Variants in CNTN4 observed in about 807,000 individuals in gnomAD.
CNTN4 encodes the protein contactin 4.
CNTN4 carries 77 observed loss-of-function variants against 122.5 expected under a neutral mutation model. The observed-to-expected ratio is 0.63, with a 90% CI of 0.52 to 0.76. The LOEUF (loss-of-function observed/expected upper bound fraction) is 0.76. Among genes scored for constraint, CNTN4 ranks in the 30% least tolerant of loss-of-function variants. CNTN4 has a pLI of 0.00. For missense variants in CNTN4, 1,256 were observed against 1,259.1 expected (o/e 1.00, Z 0.04); for synonymous variants, 512 against 447.0 (o/e 1.15, Z -1.83).
At chr3:2,503,017 T>C (rs1464958809) in intron 3 of CNTN4, among the ~76,000 whole-genome samples, 3 of 152,160 alleles carry the variant, frequency 2.0e-5, no homozygotes, top group Non-Finnish European at 4.4e-5. Context: ...AGATATATCA[T>C]TAAGCTAGGT....
chr3:2,907,899 A>G (rs1288398042), intron 12 of CNTN4, among the ~76,000 whole-genome samples: 4 of 152,210 alleles, frequency 2.6e-5, no homozygotes, highest in Non-Finnish European at 5.9e-5. Context: ...AGAGACTTTT[A>G]TCTTGAGGTC....
chr3:3,042,587 T>C lies in CNTN4; in HGVS notation c.2511+165T>C, dbSNP rs163561. On this transcript the variant is annotated intron_variant, in intron 21 of 24. Transcript: ENST00000418658. ...AATGGAAGCATTGAATACTCAGCTG[T>C]GAGACTACCCTTTTTCTATGTTATA... Among the ~76,000 whole-genome samples the C allele has an allele frequency of 0.21, 31,418 of 152,122 alleles. 4,313 individuals carry two copies. The highest frequency in any genetic ancestry group is 0.39 in the African/African-American group (16,246 of 41,454).
chr3:2,622,486 T>A (rs753669015), intron 4 of CNTN4, among the ~76,000 whole-genome samples: 19 of 152,104 alleles, frequency 1.2e-4, no homozygotes, highest in Admixed American at 3.9e-4. Context: ...AGAGATGGGT[T>A]GGACAGGCTG....
chr3:2,866,599 G>A (rs2093726336), intron 7 of CNTN4, 153 bp from the exon 8 acceptor site: 1 of 1,120,524 alleles, frequency 8.9e-7, no homozygotes, highest in Non-Finnish European at 1.3e-6. Flanking sequence ...ATGCCACGGG[G>A]GACTGTGATT....
At chr3:2,416,842 G>C (rs933999767) in intron 3 of CNTN4, among the ~76,000 whole-genome samples, 1 of 152,048 alleles carries the variant, frequency 6.6e-6, no homozygotes, top group South Asian at 2.1e-4. Flanking sequence ...TTTTAGTAGA[G>C]ACGGGGTTTC....
At chr3:2,272,114 T>C (rs2149823148) in intron 2 of CNTN4, among the ~76,000 whole-genome samples, 1 of 151,920 alleles carries the variant, frequency 6.6e-6, no homozygotes, top group South Asian at 2.1e-4. Flanking sequence ...TGATAAATTC[T>C]AATGAGTACT....
intron 14 of CNTN4, among the ~76,000 whole-genome samples, chr3:3,024,384 T>TAAAAAAAAAAAAAAAAAAAAAA (rs55892513): frequency 1.1e-5 from 1 of 90,262 alleles, no homozygotes; most frequent in Non-Finnish European, 2.2e-5. Flanking sequence ...TTTTCCTCAT[T>TAAAAAAAAAAAAAAAAAAAAAA]AAAAAAAAAA....
chr3:2,979,465 C>T (rs58076296), intron 13 of CNTN4, among the ~76,000 whole-genome samples: 7,414 of 152,236 alleles, frequency 0.049, 455 homozygotes, highest in African/African-American at 0.14. Context: ...GTTTGGGATT[C>T]TGTAATAAAT....
At chr3:2,122,682 A>T (rs559010799) in intron 2 of CNTN4, among the ~76,000 whole-genome samples, 4 of 152,378 alleles carry the variant, frequency 2.6e-5, no homozygotes, top group African/African-American at 9.6e-5. Flanking sequence ...AATTATTTCC[A>T]GATTGCCCTG....
intron 2 of CNTN4, among the ~76,000 whole-genome samples, chr3:2,243,517 A>G (rs1322471932): frequency 6.6e-6 from 1 of 151,150 alleles, no homozygotes; most frequent in Non-Finnish European, 1.5e-5. Flanking sequence ...TTGTTTTGTG[A>G]TTTTTTTTTA....
intron 4 of CNTN4, among the ~76,000 whole-genome samples, chr3:2,683,142 A>G (rs1399753806): frequency 6.6e-6 from 1 of 152,164 alleles, no homozygotes; most frequent in Non-Finnish European, 1.5e-5. Context: ...ACTCTTTACA[A>G]CAAGAAATGG....
At chr3:2,286,562 A>T (rs916195604) in intron 2 of CNTN4, among the ~76,000 whole-genome samples, 10 of 152,130 alleles carry the variant, frequency 6.6e-5, no homozygotes, top group Non-Finnish European at 1.5e-4. Flanking sequence ...GTGGTGTTTA[A>T]GTCAGTTAAA....
At chr3:3,028,348 A>G (rs553105596) in intron 15 of CNTN4, among the ~76,000 whole-genome samples, 14 of 152,248 alleles carry the variant, frequency 9.2e-5, no homozygotes, top group Middle Eastern at 3.4e-3. Flanking sequence ...GGTGACTTCA[A>G]AGGGAAAGAG....
At chr3:2,906,859 A>T (rs1205699427) in intron 12 of CNTN4, among the ~76,000 whole-genome samples, 1 of 146,008 alleles carries the variant, frequency 6.8e-6, no homozygotes, top group South Asian at 2.2e-4. Flanking sequence ...AAAAAAAAAA[A>T]GAAAAAGAGA....
intron 2 of CNTN4, among the ~76,000 whole-genome samples, chr3:2,123,674 G>A (rs190514806): frequency 2.0e-5 from 3 of 152,260 alleles, no homozygotes; most frequent in Admixed American, 6.5e-5. Context: ...GTAATTAGTC[G>A]CTGACATATG....
chr3:2,257,382 A>G (rs2040640561), intron 2 of CNTN4, among the ~76,000 whole-genome samples: 2 of 152,226 alleles, frequency 1.3e-5, no homozygotes, highest in Admixed American at 6.5e-5. Context: ...GGCATGGGCA[A>G]AGACTTCATG....
Position 2,887,201 on chromosome 3 carries a change from C to T in CNTN4, c.917C>T (p.Ala306Val), listed in dbSNP as rs368276683. The T allele has an allele frequency of 2.9e-5, 46 of 1,613,394 alleles. No homozygotes were observed. Among genetic ancestry groups the T allele is most frequent in the Non-Finnish European group, 5.9e-6 (7 of 1,179,924 alleles). ...GAAAATTCCAGAGGGAAAAATGTAGCAAGGGGACAGCTAACTTTCTATGGT... is the reference window on the plus strand; with the variant it reads ...GAAAATTCCAGAGGGAAAAATGTAGTAAGGGGACAGCTAACTTTCTATGGT... ...VAENSRGKNV[A>V]RGQLTFYAQP... Residue 306 changes from alanine (A) to valine (V), a missense_variant, in exon 10 of 25, where the codon GCA becomes GTA. Transcript: ENST00000418658.
Position 2,611,842 on chromosome 3 carries a change from C to T in CNTN4, c.55+40284C>T, listed in dbSNP as rs530806824. The stretch of plus-strand genomic sequence containing the variant: ...AGAGTGCCCTGTGGCATCTCTTATA[C>T]AGGTGGCTATACAGTTTTTAATCAC... On this transcript the variant is annotated intron_variant, in intron 4 of 24. Coordinates refer to ENST00000418658, the MANE Select transcript of CNTN4 (RefSeq NM_175607.3). Among the ~76,000 whole-genome samples, 10 of 152,258 alleles carry T rather than the reference C, an allele frequency of 6.6e-5. No homozygotes were observed. In the East Asian group the frequency reaches 1.9e-3, roughly 29 times the overall value.
At chr3:2,251,872 T>C (rs1221688944) in intron 2 of CNTN4, among the ~76,000 whole-genome samples, 2 of 151,946 alleles carry the variant, frequency 1.3e-5, no homozygotes, top group African/African-American at 2.4e-5. Flanking sequence ...GAAGGCTGTT[T>C]TCCCATTTCA....
Sources: gnomAD v4.1 joint callset for allele counts (sites outside exome capture counted in the v4.1 genomes callset) on GRCh38, gnomAD v4.1.1 for gene constraint, MANE v1.5 for transcripts, NCBI Gene and HGNC (gene_info 2026-07-23, HGNC 2026-07-21) for gene names.